SLC8A1: variants seen among roughly 807,000 people sequenced by gnomAD.
SLC8A1 encodes solute carrier family 8 member A1, also known as sodium/calcium exchanger 1.
In SLC8A1, 18 loss-of-function variants were observed where a neutral mutation model predicts 68.3. The ratio of observed to expected loss-of-function variants is 0.26; its 90% CI spans 0.18 to 0.39. SLC8A1 has a LOEUF of 0.39. SLC8A1 is among the 10% of genes least tolerant of loss of function. The probability of loss-of-function intolerance (pLI) is 1.00; values close to 1 mark genes in which losing one functional copy is unlikely to be tolerated. For synonymous variants in SLC8A1, 475 were observed against 415.5 expected (o/e 1.14, Z -1.74); for missense variants, 985 against 1,156.7 (o/e 0.85, Z 2.15).
In SLC8A1 at chr2:40,253,172, C is replaced by T. The variant is rs570626311; in HGVS notation, c.1809-75317G>A. 6.1e-5 allele frequency among the ~76,000 whole-genome samples: 8 copies of T among 131,416 alleles called. No individual in the cohort carries two copies. In the East Asian group the frequency reaches 1.3e-3, roughly 22 times the overall value. 86.2% of individuals were successfully genotyped at this position (131,416 alleles called of 152,430 possible). On this transcript the variant is annotated intron_variant, in intron 2 of 7. Transcript: ENST00000406785. ...ATACATACATATATATGTATATACA[C>T]ACAAATATACATATATACACGTATA...
In SLC8A1 at chr2:40,394,110, G is replaced by GC. The variant is rs1038322679; in HGVS notation, c.1808+34362dup. On this transcript the variant is annotated intron_variant, in intron 2 of 7. Coordinates refer to ENST00000406785, the Ensembl canonical transcript of SLC8A1. ...ACATCCTACAGTAGTGCACAGGACA[G>GC]CCCCCCACAAAGAAGAATGACCTGG... Among the ~76,000 whole-genome samples the GC allele has an allele frequency of 4.6e-5, 7 of 152,154 alleles. No homozygotes were observed. The South Asian group carries it at 1.2e-3, about 27-fold the overall frequency.
intron 2 of SLC8A1, among the ~76,000 whole-genome samples, chr2:40,241,895 A>G (rs1452048658): frequency 6.6e-6 from 1 of 152,112 alleles, no homozygotes; most frequent in Non-Finnish European, 1.5e-5. Context: ...TTCTTATTCT[A>G]AAAACAATAT....
chr2:40,237,055 A>G (rs1367568857), intron 2 of SLC8A1, among the ~76,000 whole-genome samples: 2 of 151,212 alleles, frequency 1.3e-5, no homozygotes, highest in African/African-American at 4.9e-5. Context: ...CTTCATTTCA[A>G]CTTTGGTGAA....
At chr2:40,147,063 A>C (rs2042605020) in intron 6 of SLC8A1, among the ~76,000 whole-genome samples, 1 of 152,246 alleles carries the variant, frequency 6.6e-6, no homozygotes, top group Admixed American at 6.5e-5. Context: ...GGGGTGGTTA[A>C]CATAGCACAA....
intron 7 of SLC8A1, among the ~76,000 whole-genome samples, chr2:40,132,487 A>G (rs1053182879): frequency 6.6e-6 from 1 of 152,146 alleles, no homozygotes; most frequent in African/African-American, 2.4e-5. Context: ...AGTATGTAGC[A>G]TACAACCTGC....
At chr2:40,408,898 C>T (rs543709538) in intron 2 of SLC8A1, among the ~76,000 whole-genome samples, 1 of 151,076 alleles carries the variant, frequency 6.6e-6, no homozygotes, top group Non-Finnish European at 1.5e-5. Context: ...AAAATATAGC[C>T]ATAAGAACCA....
At chr2:40,273,887 T>G (rs1326131125) in intron 2 of SLC8A1, among the ~76,000 whole-genome samples, 28 of 150,926 alleles carry the variant, frequency 1.9e-4, no homozygotes, top group African/African-American at 6.4e-4. Flanking sequence ...TTTTTCCATT[T>G]TAGTTGAGAT....
At chr2:40,477,893 T>A (rs539476167) in intron 1 of SLC8A1, among the ~76,000 whole-genome samples, 4 of 152,142 alleles carry the variant, frequency 2.6e-5, no homozygotes, top group Non-Finnish European at 4.4e-5. Context: ...GACTTGGTAC[T>A]TTTTAGGAGC....
intron 1 of SLC8A1, among the ~76,000 whole-genome samples, chr2:40,437,365 C>A (rs1473934664): frequency 6.6e-6 from 1 of 152,080 alleles, no homozygotes; most frequent in Non-Finnish European, 1.5e-5. Flanking sequence ...CTGCCTGATG[C>A]CTTCCCACTC....
At chr2:40,318,215 T>C (rs765642335) in intron 2 of SLC8A1, among the ~76,000 whole-genome samples, 2 of 152,048 alleles carry the variant, frequency 1.3e-5, no homozygotes, top group African/African-American at 2.4e-5. Flanking sequence ...AAAATTCTGG[T>C]GTGCGTCAGA....
chr2:40,284,354 TAG>T (rs1365822714), intron 2 of SLC8A1, among the ~76,000 whole-genome samples: 7 of 92,762 alleles, frequency 7.5e-5, no homozygotes, highest in South Asian at 4.4e-4. Flanking sequence ...TAAATATATA[TAG>T]ATATATACAT....
chr2:40,225,288 G>A (rs1456319877), intron 2 of SLC8A1, among the ~76,000 whole-genome samples: 1 of 152,042 alleles, frequency 6.6e-6, no homozygotes, highest in Non-Finnish European at 1.5e-5. Flanking sequence ...TTTGTATAGT[G>A]GAAATGATAA....
chr2:40,448,064 C>CA (rs1701773320), intron 1 of SLC8A1, among the ~76,000 whole-genome samples: 1 of 152,162 alleles, frequency 6.6e-6, no homozygotes, highest in Admixed American at 6.5e-5. Flanking sequence ...AGAGAACTTA[C>CA]AAAAATCACT....
intron 2 of SLC8A1, among the ~76,000 whole-genome samples, chr2:40,318,708 A>C (rs915964449): frequency 6.6e-6 from 1 of 152,044 alleles, no homozygotes; most frequent in African/African-American, 2.4e-5. Flanking sequence ...TACTATTTTT[A>C]TTTACTAACT....
intron 2 of SLC8A1, among the ~76,000 whole-genome samples, chr2:40,404,983 G>C (rs1689876112): frequency 6.6e-6 from 1 of 152,108 alleles, no homozygotes; most frequent in South Asian, 2.1e-4. Context: ...TCCAGAAGTG[G>C]ATTTATAATC....
At position 40,365,981 on chromosome 2, in the gene SLC8A1, A is replaced by G. The variant is rs188397701; in HGVS notation, c.1808+62492T>C. 2.2e-5 allele frequency among the ~76,000 whole-genome samples: 3 copies of G among 137,870 alleles called. No homozygotes were observed. In the Admixed American group the frequency reaches 2.3e-4, roughly 11 times the overall value. The allele number at this position is 137,870 out of a possible 152,430, so 90.4% of individuals were successfully genotyped here. On this transcript the variant is annotated intron_variant, in intron 2 of 7. Transcript: ENST00000406785. ...ACTGCACTCTAACCTGTGTGACAAAATAAGACCCTGTCTGAAAAAAAAAAA... is the reference window on the plus strand; with the variant it reads ...ACTGCACTCTAACCTGTGTGACAAAGTAAGACCCTGTCTGAAAAAAAAAAA...
chr2:40,411,515 T>C (rs879592013), intron 2 of SLC8A1, among the ~76,000 whole-genome samples: 2 of 151,978 alleles, frequency 1.3e-5, no homozygotes, highest in Admixed American at 6.6e-5. Flanking sequence ...TAATCTAAAA[T>C]GTGAGCCATG....
chr2:40,492,194 T>G (rs1705359850), intron 1 of SLC8A1, among the ~76,000 whole-genome samples: 1 of 151,876 alleles, frequency 6.6e-6, no homozygotes, highest in Non-Finnish European at 1.5e-5. Flanking sequence ...ACGCCACATA[T>G]CTACAACTAT....
At chr2:40,425,219 A>T (rs1696538511) in intron 2 of SLC8A1, among the ~76,000 whole-genome samples, 1 of 151,910 alleles carries the variant, frequency 6.6e-6, no homozygotes, top group African/African-American at 2.4e-5. Flanking sequence ...ATATTTTATT[A>T]GAAATTACAA....
Sources: allele counts gnomAD v4.1 joint callset (sites outside exome capture counted in the v4.1 genomes callset), GRCh38; gene constraint gnomAD v4.1.1; transcripts MANE v1.5; gene names NCBI Gene and HGNC (gene_info 2026-07-23, HGNC 2026-07-21).